The following OPHN1 variants were observed in gnomAD, a reference collection of about 807,000 sequenced individuals.
OPHN1 encodes the protein oligophrenin 1.
A neutral mutation model predicts 60.7 loss-of-function variants in OPHN1; 11 were observed. That is an observed-to-expected ratio of 0.18 (90% confidence interval 0.11 to 0.30). The LOEUF (loss-of-function observed/expected upper bound fraction) is 0.30, where lower values mean the gene tolerates loss of function less well. OPHN1 is among the 10% of genes least tolerant of loss of function. The pLI is 1.00. For synonymous variants in OPHN1, 226 were observed against 222.6 expected, an observed-to-expected ratio of 1.02 and a Z score of -0.14; for missense variants, 449 against 611.0, an observed-to-expected ratio of 0.73 and a Z score of 2.80.
chrX:68,172,421 G>A (rs1462242928), intron 15 of OPHN1, among the ~76,000 whole-genome samples: 3 of 111,625 alleles, frequency 2.7e-5, no homozygotes, highest in South Asian at 7.5e-4. Context: ...AATTTGTGGA[G>A]ATAGAAAGAT....
chrX:68,048,374 A>G, intron 24 of OPHN1, 42 bp downstream of exon 24: 1 of 1,136,129 alleles, frequency 8.8e-7, no homozygotes, highest in Non-Finnish European at 1.2e-6. Flanking sequence ...ATGAAGGCTT[A>G]TGTGGAACAA....
At chrX:68,201,734 G>A (rs376413501) in intron 10 of OPHN1, 24 bp from the exon 11 acceptor site, 6 of 1,146,219 alleles carry the variant, frequency 5.2e-6, no homozygotes, top group African/African-American at 1.8e-5. Context: ...AGAATTAACA[G>A]GCAATTTTTA....
chrX:68,391,425 G>A (rs1291397497), intron 2 of OPHN1, among the ~76,000 whole-genome samples: 2 of 111,002 alleles, frequency 1.8e-5, no homozygotes, highest in African/African-American at 3.3e-5. Flanking sequence ...ATACAAAGGG[G>A]CATTCAGTAA....
At position 68,167,520 on chromosome X, in the gene OPHN1, T is replaced by A. The variant is rs377532697; in HGVS notation, c.1276+25399A>T. 4.5e-5 allele frequency among the ~76,000 whole-genome samples: 5 copies of A among 110,256 alleles called. No individual in the cohort carries two copies. In the East Asian group the frequency reaches 1.4e-3, roughly 31 times the overall value. Reference sequence around the variant, plus strand: ...GGATATATATGTGTGTATATATGTGTGTGTGTGTGTGTATATGTGTGTATA... The same window carrying A: ...GGATATATATGTGTGTATATATGTGAGTGTGTGTGTGTATATGTGTGTATA... On this transcript the variant is annotated intron_variant, in intron 15 of 24. Coordinates refer to ENST00000355520, the MANE Select transcript of OPHN1 (RefSeq NM_002547.3).
At chrX:68,428,186 C>T (rs2078868922) in intron 2 of OPHN1, among the ~76,000 whole-genome samples, 1 of 112,030 alleles carries the variant, frequency 8.9e-6, no homozygotes, top group Non-Finnish European at 1.9e-5. Flanking sequence ...AATTCAGACA[C>T]TTGCCCTTAC....
At chrX:68,410,435 G>A (rs1370040800) in intron 2 of OPHN1, among the ~76,000 whole-genome samples, 2 of 110,471 alleles carry the variant, frequency 1.8e-5, no homozygotes, top group African/African-American at 3.3e-5. Context: ...AGTGGTTCAC[G>A]CCTGTAATCC....
intron 9 of OPHN1, among the ~76,000 whole-genome samples, chrX:68,208,117 G>T (rs1406595410): frequency 9.6e-6 from 1 of 104,237 alleles, no homozygotes; most frequent in Non-Finnish European, 1.9e-5. Flanking sequence ...TTGAGACAGA[G>T]TCTCACTCTG....
intron 5 of OPHN1, among the ~76,000 whole-genome samples, chrX:68,257,557 C>T (rs2077870158): frequency 9.0e-6 from 1 of 110,906 alleles, no homozygotes; most frequent in African/African-American, 3.3e-5. Context: ...CAGTATAGAC[C>T]CCAATGCATA....
chrX:68,209,418 T>C (rs1012730358), intron 9 of OPHN1, among the ~76,000 whole-genome samples: 4 of 111,457 alleles, frequency 3.6e-5, no homozygotes, highest in African/African-American at 1.3e-4. Flanking sequence ...ATTCAAAACT[T>C]AGCCAAGTGT....
At chrX:68,079,485 C>A (rs937635099) in intron 19 of OPHN1, among the ~76,000 whole-genome samples, 7 of 111,762 alleles carry the variant, frequency 6.3e-5, no homozygotes, top group Non-Finnish European at 1.1e-4. Context: ...TTAACCAATC[C>A]ATTTCTAAAA....
chrX:68,350,423 CCTCCCTCCCTCT>C (rs1363565647), intron 2 of OPHN1, among the ~76,000 whole-genome samples: 7 of 91,640 alleles, frequency 7.6e-5, no homozygotes, highest in Non-Finnish European at 6.4e-5. Context: ...TTCTCTCTCC[CCTCCCTCCCTCT>C]CTCCCTCCCT....
chrX:68,224,321 G>A (rs905550543), intron 6 of OPHN1, among the ~76,000 whole-genome samples: 2 of 111,371 alleles, frequency 1.8e-5, no homozygotes, highest in African/African-American at 6.5e-5. Flanking sequence ...AATAATTGGA[G>A]ATTAAACAGT....
intron 15 of OPHN1, among the ~76,000 whole-genome samples, chrX:68,166,889 A>G (rs2077360839): frequency 8.9e-6 from 1 of 112,476 alleles, no homozygotes; most frequent in Admixed American, 9.4e-5. Context: ...ATTAAAATGT[A>G]TTACAGACTT....
In OPHN1 at chrX:68,383,598, GAAAAAAA is replaced by G. The variant is rs10591078; in HGVS notation, c.154+49262_154+49268del. ...TGGGTGACAGCGAGTCTCCATCCCA[GAAAAAAA>G]AAAAAAAAAAAAAAAAAAACAGGCA... is the stretch of plus-strand genomic sequence containing the variant. On this transcript the variant is annotated intron_variant, in intron 2 of 24. Transcript: ENST00000355520. Among the ~76,000 whole-genome samples the G allele has an allele frequency of 3.9e-3, 88 of 22,364 alleles. 1 individual carries two copies. The highest frequency in any genetic ancestry group is 0.014 in the African/African-American group (84 of 5,917). The allele number at this position is 22,364 out of a possible 115,157, so 19.4% of individuals were successfully genotyped here.
intron 2 of OPHN1, among the ~76,000 whole-genome samples, chrX:68,339,087 AATAT>A (rs1555973537): frequency 1.1e-5 from 1 of 91,013 alleles, no homozygotes; most frequent in African/African-American, 5.1e-5. Context: ...GAAAAAAAAA[AATAT>A]ATATATATAT....
intron 6 of OPHN1, 116 bp downstream of exon 6, chrX:68,234,371 A>G (rs1472889228): frequency 3.4e-6 from 2 of 588,128 alleles, no homozygotes; most frequent in African/African-American, 2.2e-5. Flanking sequence ...AAGTGCTACT[A>G]TCACATGAGG....
intron 15 of OPHN1, among the ~76,000 whole-genome samples, chrX:68,189,326 C>T (rs2077476880): frequency 8.9e-6 from 1 of 111,794 alleles, no homozygotes; most frequent in African/African-American, 3.2e-5. Context: ...GAAAGAGAAA[C>T]AGAACTCTTT....
chrX:68,277,939 G>C (rs2078000270), intron 4 of OPHN1, among the ~76,000 whole-genome samples: 1 of 112,400 alleles, frequency 8.9e-6, no homozygotes, highest in Non-Finnish European at 1.9e-5. Context: ...GGAACCCCCA[G>C]GAGGGCAGAG....
intron 6 of OPHN1, among the ~76,000 whole-genome samples, chrX:68,215,388 G>GA (rs952111260): frequency 8.1e-5 from 9 of 111,764 alleles, no homozygotes; most frequent in African/African-American, 2.9e-4. Flanking sequence ...AGAAGAAAAA[G>GA]AGACAGAAAC....
Sources: allele counts gnomAD v4.1 joint callset (sites outside exome capture counted in the v4.1 genomes callset), GRCh38; gene constraint gnomAD v4.1.1; transcripts MANE v1.5; gene names NCBI Gene and HGNC (gene_info 2026-07-23, HGNC 2026-07-21).